CDH12: variants seen among roughly 807,000 people sequenced by gnomAD.
The protein encoded by CDH12 is cadherin-12.
In CDH12, 41 loss-of-function variants were observed where a neutral mutation model predicts 74.1. The ratio of observed to expected loss-of-function variants is 0.55; its 90% CI spans 0.43 to 0.72. CDH12 has a LOEUF of 0.72. Among genes scored for constraint, CDH12 ranks in the 30% least tolerant of loss-of-function variants. The probability of loss-of-function intolerance (pLI) is 0.00; values close to 1 mark genes in which losing one functional copy is unlikely to be tolerated. For synonymous variants in CDH12, 399 were observed against 355.0 expected (o/e 1.12, Z -1.39); for missense variants, 945 against 977.2 (o/e 0.97, Z 0.44).
intron 6 of CDH12, among the ~76,000 whole-genome samples, chr5:21,895,328 A>G (rs1287572094): frequency 6.6e-6 from 1 of 152,238 alleles, no homozygotes; most frequent in African/African-American, 2.4e-5. Flanking sequence ...AAATATGGGC[A>G]TTAAGATTCC....
At chr5:22,175,203 A>C (rs1235870461) in intron 4 of CDH12, among the ~76,000 whole-genome samples, 1 of 152,002 alleles carries the variant, frequency 6.6e-6, no homozygotes, top group Non-Finnish European at 1.5e-5. Context: ...AGGGTTTCTA[A>C]ACATGCCTGG....
intron 1 of CDH12, among the ~76,000 whole-genome samples, chr5:22,625,138 C>T (rs898170173): frequency 1.3e-5 from 2 of 152,058 alleles, no homozygotes; most frequent in African/African-American, 4.8e-5. Flanking sequence ...GGAAGGGGAA[C>T]ATCACACACC....
At chr5:22,624,370 C>T (rs2126845960) in intron 1 of CDH12, among the ~76,000 whole-genome samples, 1 of 152,220 alleles carries the variant, frequency 6.6e-6, no homozygotes, top group South Asian at 2.1e-4. Context: ...AGTGAACAGG[C>T]AACCTACAGA....
intron 3 of CDH12, among the ~76,000 whole-genome samples, chr5:22,240,669 G>T (rs1381970093): frequency 1.3e-5 from 2 of 152,076 alleles, no homozygotes; most frequent in Admixed American, 6.6e-5. Flanking sequence ...GAGTAGCTGG[G>T]ATTACAGGCG....
chr5:22,614,317 C>T (rs981870982), intron 1 of CDH12, among the ~76,000 whole-genome samples: 1 of 152,054 alleles, frequency 6.6e-6, no homozygotes, highest in Admixed American at 6.6e-5. Context: ...GCACACAAAA[C>T]TATACAATTG....
At chr5:22,218,708 G>A (rs925272014) in intron 3 of CDH12, among the ~76,000 whole-genome samples, 1 of 151,592 alleles carries the variant, frequency 6.6e-6, no homozygotes, top group African/African-American at 2.4e-5. Flanking sequence ...AGTTAAATAT[G>A]TGCAGTTTAC....
chr5:21,958,722 T>C (rs1235982321), intron 6 of CDH12, among the ~76,000 whole-genome samples: 1 of 152,198 alleles, frequency 6.6e-6, no homozygotes, highest in Non-Finnish European at 1.5e-5. Context: ...TGAGGTCAGA[T>C]AGCCTGATGC....
At position 22,051,285 on chromosome 5, in the gene CDH12, G is replaced by A. The variant is rs556660908; in HGVS notation, c.231+27161C>T. On this transcript the variant is annotated intron_variant, in intron 5 of 14. Transcript: ENST00000382254. ...AGGCACTTAATAATTAAGAGATGTC[G>A]TTATTGCTTTTTTATATGGTAAAGT... 7.2e-5 allele frequency among the ~76,000 whole-genome samples: 11 copies of A among 152,102 alleles called. No homozygotes were observed. The East Asian group carries it at 1.2e-3, about 16-fold the overall frequency.
At chr5:21,798,392 GT>G (rs1232388103) in intron 10 of CDH12, among the ~76,000 whole-genome samples, 3 of 151,960 alleles carry the variant, frequency 2.0e-5, no homozygotes. Context: ...GAGTAAATTG[GT>G]TAGCATTCAG....
intron 5 of CDH12, among the ~76,000 whole-genome samples, chr5:22,025,462 T>C (rs948005479): frequency 2.0e-5 from 3 of 152,122 alleles, no homozygotes; most frequent in Non-Finnish European, 4.4e-5. Context: ...TAAAAATATT[T>C]AATTCCTAAA....
chr5:22,338,309 A>C (rs996690986), intron 3 of CDH12, among the ~76,000 whole-genome samples: 2 of 152,174 alleles, frequency 1.3e-5, no homozygotes, highest in Non-Finnish European at 2.9e-5. Flanking sequence ...ATTAGGTGAA[A>C]TAAGCTGGTT....
chr5:22,156,487 A>G (rs1397844078), intron 4 of CDH12, among the ~76,000 whole-genome samples: 1 of 152,194 alleles, frequency 6.6e-6, no homozygotes, highest in Admixed American at 6.5e-5. Context: ...TACTTTATGT[A>G]AAATCGTATA....
chr5:22,812,858 G>C (rs554334810), intron 1 of CDH12, among the ~76,000 whole-genome samples: 1 of 151,794 alleles, frequency 6.6e-6, no homozygotes, highest in Non-Finnish European at 1.5e-5. Context: ...AGGCAACGGA[G>C]GGAAATACAG....
intron 1 of CDH12, among the ~76,000 whole-genome samples, chr5:22,521,903 T>G (rs906127513): frequency 1.3e-5 from 2 of 152,198 alleles, no homozygotes; most frequent in African/African-American, 4.8e-5. Context: ...AAGACTCATT[T>G]TTATGATGTC....
chr5:22,146,928 T>C (rs1361379967), intron 4 of CDH12, among the ~76,000 whole-genome samples: 1 of 152,138 alleles, frequency 6.6e-6, no homozygotes, highest in African/African-American at 2.4e-5. Flanking sequence ...CCACATGAAA[T>C]AGGATCAGCT....
At chr5:22,654,193 CTTTCTTTT>C (rs1561554418) in intron 1 of CDH12, among the ~76,000 whole-genome samples, 1 of 146,598 alleles carries the variant, frequency 6.8e-6, no homozygotes, top group African/African-American at 2.5e-5. Context: ...TTCTTTCTTT[CTTTCTTTT>C]CTTTCTTTCT....
intron 7 of CDH12, 67 bp downstream of exon 7, chr5:21,854,604 C>G (rs1438127267): frequency 2.2e-6 from 3 of 1,345,602 alleles, no homozygotes; most frequent in Non-Finnish European, 3.1e-6. Flanking sequence ...CTCCCCATGC[C>G]AAGATTTAAT....
At chr5:22,546,724 G>T (rs568955607) in intron 1 of CDH12, among the ~76,000 whole-genome samples, 4 of 152,106 alleles carry the variant, frequency 2.6e-5, no homozygotes, top group Non-Finnish European at 5.9e-5. Flanking sequence ...TTCTGTGCTT[G>T]AAAAGACAGA....
At chr5:22,702,200 A>G (rs1418044588) in intron 1 of CDH12, among the ~76,000 whole-genome samples, 1 of 152,120 alleles carries the variant, frequency 6.6e-6, no homozygotes, top group African/African-American at 2.4e-5. Flanking sequence ...ATTGAATATT[A>G]TTATACTAGT....
Sources: gnomAD v4.1 joint callset for allele counts (sites outside exome capture counted in the v4.1 genomes callset) on GRCh38, gnomAD v4.1.1 for gene constraint, MANE v1.5 for transcripts, NCBI Gene and HGNC (gene_info 2026-07-23, HGNC 2026-07-21) for gene names.